The following WWOX variants were observed in gnomAD, a reference collection of about 807,000 sequenced individuals.
WWOX encodes WW domain-containing oxidoreductase.
A neutral mutation model predicts 46.2 loss-of-function variants in WWOX; 69 were observed. The observed-to-expected ratio is 1.49, with a 90% confidence interval of 1.23 to 1.82. WWOX has a LOEUF of 1.82. Among genes scored for constraint, WWOX ranks in the 40% most tolerant of loss-of-function variants. WWOX has a pLI of 0.00. For synonymous variants in WWOX, 359 were observed against 202.6 expected (o/e 1.77, Z -6.56); for missense variants, 919 against 542.6 (o/e 1.69, Z -6.89).
At chr16:79,189,522 A>G (rs1250300228) in intron 8 of WWOX, among the ~76,000 whole-genome samples, 1 of 147,346 alleles carries the variant, frequency 6.8e-6, no homozygotes, top group Non-Finnish European at 1.5e-5. Context: ...GCCGGTCTCA[A>G]ACTCCTAGCT....
chr16:79,135,864 C>G (rs1162735880), intron 8 of WWOX, among the ~76,000 whole-genome samples: 1 of 152,096 alleles, frequency 6.6e-6, no homozygotes, highest in Non-Finnish European at 1.5e-5. Flanking sequence ...TTCTTCTTTT[C>G]TGAACTGCCT....
At chr16:78,167,722 A>C (rs1020671010) in intron 5 of WWOX, 2 of 152,174 alleles carry the variant, frequency 1.3e-5, no homozygotes. Flanking sequence ...TTACCATTTC[A>C]TTCCATTGCA....
chr16:78,805,353 C>T lies in WWOX; in HGVS notation c.1056+372601C>T, dbSNP rs139834842. Among the ~76,000 whole-genome samples the T allele has an allele frequency of 6.7e-3, 1,019 of 152,172 alleles. 3 individuals carry two copies. The highest frequency in any genetic ancestry group is 0.01 in the Non-Finnish European group (696 of 68,022). ...TCGGCTCACTGCAAGCTCCGCCTCC[C>T]GGGTTCATGCCATTCTCCTGTCTCA... On this transcript the variant is annotated intron_variant, in intron 8 of 8. Coordinates refer to ENST00000566780, the MANE Select transcript of WWOX (RefSeq NM_016373.4).
chr16:78,517,096 A>T (rs368036118), intron 8 of WWOX, among the ~76,000 whole-genome samples: 6 of 152,160 alleles, frequency 3.9e-5, no homozygotes, highest in African/African-American at 1.2e-4. Context: ...TTTATTTATG[A>T]AATCGGGGCA....
At chr16:78,409,852 C>T (rs991285966) in intron 6 of WWOX, among the ~76,000 whole-genome samples, 1 of 152,214 alleles carries the variant, frequency 6.6e-6, no homozygotes, top group African/African-American at 2.4e-5. Flanking sequence ...TCCCATTTCC[C>T]TCTAGCCACA....
intron 8 of WWOX, among the ~76,000 whole-genome samples, chr16:79,127,261 C>G (rs939936042): frequency 6.6e-6 from 1 of 152,076 alleles, no homozygotes; most frequent in Non-Finnish European, 1.5e-5. Flanking sequence ...TCCTTTAGCA[C>G]CTAATTCCTC....
intron 5 of WWOX, among the ~76,000 whole-genome samples, chr16:78,252,858 A>G (rs1487341474): frequency 1.3e-5 from 2 of 152,238 alleles, no homozygotes; most frequent in Non-Finnish European, 2.9e-5. Context: ...TGAATTATGC[A>G]TGCATTACAA....
chr16:79,115,015 C>T (rs575885076), intron 8 of WWOX, among the ~76,000 whole-genome samples: 7 of 152,326 alleles, frequency 4.6e-5, no homozygotes, highest in South Asian at 2.1e-4. Flanking sequence ...TCTGCTTTCC[C>T]AGCAAAGCCA....
intron 8 of WWOX, among the ~76,000 whole-genome samples, chr16:78,451,868 G>T (rs1489713869): frequency 6.6e-6 from 1 of 152,232 alleles, no homozygotes; most frequent in South Asian, 2.1e-4. Context: ...TGATTCTAAG[G>T]AAAATCCTTG....
intron 8 of WWOX, among the ~76,000 whole-genome samples, chr16:78,691,935 A>G (rs1048701927): frequency 6.6e-6 from 1 of 152,166 alleles, no homozygotes; most frequent in African/African-American, 2.4e-5. Context: ...TATTCTCATA[A>G]TAGTGAATAA....
intron 8 of WWOX, chr16:78,895,547 C>T (rs1353252016): frequency 6.6e-6 from 1 of 152,204 alleles, no homozygotes; most frequent in Non-Finnish European, 1.5e-5. Flanking sequence ...TTACACTGTC[C>T]ACAGGCAAAG....
At chr16:78,632,380 C>G (rs111838619) in intron 8 of WWOX, among the ~76,000 whole-genome samples, 1 of 151,882 alleles carries the variant, frequency 6.6e-6, no homozygotes, top group East Asian at 1.9e-4. Context: ...TGAGTTATTC[C>G]GCTACCTCCG....
At chr16:78,807,510 G>A (rs150980096) in intron 8 of WWOX, among the ~76,000 whole-genome samples, 1 of 152,324 alleles carries the variant, frequency 6.6e-6, no homozygotes, top group African/African-American at 2.4e-5. Flanking sequence ...TATTTTAAAT[G>A]TTTTTGCTTC....
chr16:78,309,634 CTG>C (rs1382742928), intron 5 of WWOX, among the ~76,000 whole-genome samples: 3 of 152,186 alleles, frequency 2.0e-5, no homozygotes, highest in Non-Finnish European at 4.4e-5. Flanking sequence ...CCCCTTGAGA[CTG>C]TCTTAGGCTT....
intron 5 of WWOX, among the ~76,000 whole-genome samples, chr16:78,372,611 T>A (rs2081719418): frequency 1.3e-5 from 2 of 152,140 alleles, no homozygotes; most frequent in Non-Finnish European, 2.9e-5. Flanking sequence ...TAGAGAAGGG[T>A]TACTCTCCTT....
chr16:78,487,132 C>T (rs1322994312), intron 8 of WWOX, among the ~76,000 whole-genome samples: 1 of 152,164 alleles, frequency 6.6e-6, no homozygotes, highest in Non-Finnish European at 1.5e-5. Flanking sequence ...ATAACAACAG[C>T]ATGGTGACAT....
At chr16:78,907,890 C>A (rs1002355209) in intron 8 of WWOX, among the ~76,000 whole-genome samples, 1 of 152,078 alleles carries the variant, frequency 6.6e-6, no homozygotes, top group Non-Finnish European at 1.5e-5. Context: ...TGTCAAGGGT[C>A]GATGAATTCA....
chr16:78,739,681 C>T (rs949285524), intron 8 of WWOX, among the ~76,000 whole-genome samples: 7 of 152,094 alleles, frequency 4.6e-5, no homozygotes, highest in Non-Finnish European at 8.8e-5. Context: ...CTTCCTGGTG[C>T]ATGCCTGTAA....
intron 8 of WWOX, among the ~76,000 whole-genome samples, chr16:79,081,774 G>A (rs534746606): frequency 6.6e-6 from 1 of 152,204 alleles, no homozygotes; most frequent in African/African-American, 2.4e-5. Flanking sequence ...CACGCTGGAT[G>A]CTCCTGCCTG....
Sources: gnomAD v4.1 joint callset for allele counts (sites outside exome capture counted in the v4.1 genomes callset) on GRCh38, gnomAD v4.1.1 for gene constraint, MANE v1.5 for transcripts, NCBI Gene and HGNC (gene_info 2026-07-23, HGNC 2026-07-21) for gene names.